The following ZNF735 variants were observed in gnomAD, a reference collection of about 807,000 sequenced individuals.
ZNF735 encodes the protein putative zinc finger protein 735.
A neutral mutation model predicts 13.4 loss-of-function variants in ZNF735; 11 were observed. The observed-to-expected ratio is 0.82, with a 90% CI of 0.52 to 1.36. ZNF735 has a LOEUF of 1.36. Among genes scored for constraint, ZNF735 ranks in the 40% most tolerant of loss-of-function variants. ZNF735 has a pLI of 0.00. For synonymous variants in ZNF735, 171 were observed against 162.6 expected, an observed-to-expected ratio of 1.05 and a Z score of -0.39; for missense variants, 500 against 484.6, an observed-to-expected ratio of 1.03 and a Z score of -0.30.
At chr7:64,219,624 C>A in exon 4 of ZNF735, 1 of 1,577,332 alleles carries the variant, frequency 6.3e-7, no homozygotes, top group African/African-American at 1.3e-5. Context: ...AAAAATATGG[C>A]AAATCATTTT....
At chr7:64,212,073 G>T (rs572470033) in intron 1 of ZNF735, among the ~76,000 whole-genome samples, 1 of 152,018 alleles carries the variant, frequency 6.6e-6, no homozygotes, top group Non-Finnish European at 1.5e-5. Context: ...TTTTTTCCAC[G>T]ATAGAGTTAA....
At chr7:64,209,632 C>G (rs566665128) in intron 1 of ZNF735, among the ~76,000 whole-genome samples, 1 of 152,002 alleles carries the variant, frequency 6.6e-6, no homozygotes, top group Non-Finnish European at 1.5e-5. Flanking sequence ...GCCTGTTGAA[C>G]TTTTTTTAGT....
chr7:64,218,876 ACTT>A (rs1279006535), intron 3 of ZNF735, among the ~76,000 whole-genome samples: 2 of 152,080 alleles, frequency 1.3e-5, no homozygotes, highest in East Asian at 3.9e-4. Context: ...TTCAGTTAAG[ACTT>A]CTTCATATTT....
intron 3 of ZNF735, among the ~76,000 whole-genome samples, chr7:64,214,367 T>C (rs1787395106): frequency 1.3e-5 from 2 of 152,190 alleles, no homozygotes; most frequent in African/African-American, 2.4e-5. Context: ...GAGCCAAAGT[T>C]TTCTTTATGG....
chr7:64,210,559 C>T (rs1355364778), intron 1 of ZNF735, among the ~76,000 whole-genome samples: 3 of 152,152 alleles, frequency 2.0e-5, no homozygotes, highest in African/African-American at 7.2e-5. Context: ...GTTCAAGATA[C>T]ATTCAGGAGA....
chr7:64,214,291 C>T (rs1370011839), intron 3 of ZNF735, among the ~76,000 whole-genome samples, 183 bp downstream of exon 3: 1 of 151,618 alleles, frequency 6.6e-6, no homozygotes, highest in Non-Finnish European at 1.5e-5. Flanking sequence ...ACCTTCTGCC[C>T]CATGCTGTTA....
At chr7:64,214,251 T>G in intron 3 of ZNF735, 143 bp downstream of exon 3, 1 of 936,596 alleles carries the variant, frequency 1.1e-6, no homozygotes. Flanking sequence ...ATTTTTTATT[T>G]TTTTTATTTT....
rs1787390960 is a variant in ZNF735 at position 64,214,024 on chromosome 7, T to G, written c.178T>G (p.Ser60Ala). The G allele has an allele frequency of 1.3e-6, 2 of 1,598,410 alleles. No individual in the cohort carries two copies. Among genetic ancestry groups the G allele is most frequent in the Non-Finnish European group, 1.7e-6 (2 of 1,178,500 alleles). The change falls in exon 3 of 4, where the codon TCT becomes GCT. Residue 60 changes from serine (S) to alanine (A), a missense_variant. By Grantham distance (99) the Ser-to-Ala change is moderately conservative (BLOSUM62 1). Transcript: ENST00000429565. Reference sequence around the variant, plus strand: ...TCTTAATAAAACAGGTATGACTGTCTCTAAGCCAGACTTGATCGCCTGTCT... The same window carrying G: ...TCTTAATAAAACAGGTATGACTGTCGCTAAGCCAGACTTGATCGCCTGTCT...
At chr7:64,209,870 T>C (rs1787336068) in intron 1 of ZNF735, among the ~76,000 whole-genome samples, 1 of 152,220 alleles carries the variant, frequency 6.6e-6, no homozygotes, top group Admixed American at 6.5e-5. Context: ...TAATCTCTAA[T>C]TAGTTTCAAA....
Position 64,214,582 on chromosome 7 carries a change from G to C in ZNF735, c.262+474G>C, listed in dbSNP as rs147802048. 3.8e-3 allele frequency among the ~76,000 whole-genome samples: 580 copies of C among 151,938 alleles called. 5 individuals are homozygous for C. Among genetic ancestry groups the C allele is most frequent in the African/African-American group, 0.013 (547 of 41,474 alleles). ...ATTCTGTTTTTATTACTGTAGCCTT[G>C]AAATATAGTTTAAAGTTTTTTACAA... is the stretch of plus-strand genomic sequence containing the variant. On this transcript the variant is annotated intron_variant, in intron 3 of 3. Transcript: ENST00000429565.
intron 3 of ZNF735, among the ~76,000 whole-genome samples, chr7:64,217,269 C>A (rs1787433363): frequency 6.6e-6 from 1 of 152,168 alleles, no homozygotes; most frequent in African/African-American, 2.4e-5. Flanking sequence ...TTCTTTTTTG[C>A]CTTCCACTGT....
intron 1 of ZNF735, among the ~76,000 whole-genome samples, chr7:64,211,738 C>A (rs1170151735): frequency 6.6e-6 from 1 of 151,506 alleles, no homozygotes; most frequent in African/African-American, 2.4e-5. Flanking sequence ...TAGTGCCATG[C>A]GCCTGTAATC....
chr7:64,214,196 C>G, intron 3 of ZNF735, 88 bp downstream of exon 3: 4 of 1,353,976 alleles, frequency 3.0e-6, no homozygotes, highest in Non-Finnish European at 1.0e-6. Flanking sequence ...GTCTGCAGAG[C>G]TGTGCTTTTA....
exon 2 of ZNF735, chr7:64,213,175 T>C (rs1787380774): frequency 1.2e-6 from 2 of 1,612,470 alleles, no homozygotes; most frequent in Non-Finnish European, 1.7e-6. Flanking sequence ...AGAATTTATA[T>C]AGAGATGTGA....
At chr7:64,218,135 T>G (rs527964932) in intron 3 of ZNF735, among the ~76,000 whole-genome samples, 1 of 152,268 alleles carries the variant, frequency 6.6e-6, no homozygotes, top group South Asian at 2.1e-4. Flanking sequence ...TTTTCCAGCA[T>G]TTGTTTATTC....
At chr7:64,208,217 T>C (rs1787313284) in intron 1 of ZNF735, among the ~76,000 whole-genome samples, 1 of 150,918 alleles carries the variant, frequency 6.6e-6, no homozygotes, top group African/African-American at 2.4e-5. Context: ...CCGAATATTT[T>C]CTTCAAGATA....
chr7:64,217,122 G>C (rs538730805), intron 3 of ZNF735, among the ~76,000 whole-genome samples: 90 of 152,262 alleles, frequency 5.9e-4, no homozygotes, highest in South Asian at 5.6e-3. Flanking sequence ...TTGCATCACG[G>C]AGACAAATCC....
At chr7:64,215,348 G>A (rs2116485280) in intron 3 of ZNF735, among the ~76,000 whole-genome samples, 1 of 152,256 alleles carries the variant, frequency 6.6e-6, no homozygotes, top group South Asian at 2.1e-4. Context: ...GTGAGCCACT[G>A]CACCCGGTTC....
chr7:64,213,044 G>A (rs775062632), intron 1 of ZNF735, 48 bp from the exon 2 acceptor site: 4 of 1,563,674 alleles, frequency 2.6e-6, no homozygotes, highest in Non-Finnish European at 3.5e-6. Flanking sequence ...TCTGCTTACG[G>A]CCATATGGTA....
Sources: gnomAD v4.1 joint callset for allele counts (sites outside exome capture counted in the v4.1 genomes callset) on GRCh38, gnomAD v4.1.1 for gene constraint, MANE v1.5 for transcripts, NCBI Gene and HGNC (gene_info 2026-07-23, HGNC 2026-07-21) for gene names.